Variants in NFIX observed in about 807,000 individuals in gnomAD.
The protein encoded by NFIX is nuclear factor I X.
Under a neutral mutation model 53.3 loss-of-function variants are expected in NFIX, and 2 were observed. The ratio of observed to expected loss-of-function variants is 0.04; its 90% confidence interval spans 0.02 to 0.12. The LOEUF (loss-of-function observed/expected upper bound fraction) is 0.12. Among genes scored for constraint, NFIX ranks in the 10% least tolerant of loss-of-function variants. The pLI is 1.00. For synonymous variants in NFIX, 244 were observed against 289.0 expected (o/e 0.84, Z 1.58); for missense variants, 310 against 674.5 (o/e 0.46, Z 5.99).
intron 1 of NFIX, among the ~76,000 whole-genome samples, chr19:13,007,185 C>G (rs780869638): frequency 7.2e-5 from 11 of 152,140 alleles, no homozygotes; most frequent in Admixed American, 6.5e-4. Flanking sequence ...CCCCTCCCCC[C>G]CCATAGGCGC....
At chr19:13,010,540 C>T (rs996570208) in intron 1 of NFIX, among the ~76,000 whole-genome samples, 2 of 152,254 alleles carry the variant, frequency 1.3e-5, no homozygotes, top group African/African-American at 2.4e-5. Context: ...CACTGGCTGG[C>T]GCACTTACAC....
rs760943502 is a variant in NFIX, at chr19:13,094,694, C to T, written c.*45C>T. The T allele has an allele frequency of 2.0e-6, 3 of 1,527,502 alleles. No homozygotes were observed. Among genetic ancestry groups the T allele is most frequent in the South Asian group, 1.2e-5 (1 of 83,844 alleles). The allele number at this position is 1,527,502 out of a possible 1,614,324, so 94.6% of individuals were successfully genotyped here. A position where few individuals can be genotyped will look rare whatever the true frequency, so the allele number is the denominator to read the frequency against. The stretch of plus-strand genomic sequence containing the variant: ...AACAAAATGAGAAGAAGAGGTTCCT[C>T]GAAAGGGGGGAGAAGAAATTTTGAG... On this transcript the variant is annotated 3_prime_UTR_variant, in exon 11 of 11. Transcript: ENST00000592199. This position sits in a 1 kb window ranked among gnomAD's most constrained non-coding sequence, Gnocchi z 4.3.
chr19:13,031,452 C>T (rs547046268), intron 2 of NFIX, among the ~76,000 whole-genome samples: 164 of 152,278 alleles, frequency 1.1e-3, no homozygotes, highest in Admixed American at 1.8e-3. Flanking sequence ...GAAGGACTTC[C>T]TGAGAACTTG....
intron 2 of NFIX, among the ~76,000 whole-genome samples, chr19:13,035,834 C>T (rs147458287): frequency 9.9e-5 from 15 of 152,240 alleles, no homozygotes; most frequent in African/African-American, 3.1e-4. Context: ...GAATTGGCTC[C>T]GTCAAGTGCC....
At chr19:13,085,204 C>T (rs761535882) in intron 8 of NFIX, among the ~76,000 whole-genome samples, 50 of 152,272 alleles carry the variant, frequency 3.3e-4, no homozygotes, top group Non-Finnish European at 5.4e-4. Context: ...GTACCCCAGT[C>T]AGAGCTGAGA....
rs143237718 is a variant in NFIX at position 13,044,941 on chromosome 19, A to G, written c.559+19389A>G. Among the ~76,000 whole-genome samples the G allele has an allele frequency of 2.0e-3, 299 of 152,254 alleles. 7 individuals are homozygous for G. The East Asian group carries it at 0.05, about 25-fold the overall frequency. The stretch of plus-strand genomic sequence containing the variant: ...GCTAAGGAGATCTGGGACAAGAGGC[A>G]GGTCAGGTTCCGGGGGTGAGGAGTG... On this transcript the variant is annotated intron_variant, in intron 2 of 10. Transcript: ENST00000592199.
chr19:13,001,894 C>T lies in NFIX; in HGVS notation c.27+6030C>T, dbSNP rs1028951136. 3.9e-5 allele frequency among the ~76,000 whole-genome samples: 6 copies of T among 152,348 alleles called. No homozygotes were observed. The highest frequency in any genetic ancestry group is 2.1e-4 in the South Asian group (1 of 4,832). On this transcript the variant is annotated intron_variant, in intron 1 of 10. Coordinates refer to ENST00000592199, the MANE Select transcript of NFIX (RefSeq NM_001365902.3). This position sits in a 1 kb window ranked among gnomAD's most constrained non-coding sequence, Gnocchi z 6.5. ...GCCGCAGTGGCCTTGCTGGGGGCCC[C>T]GCCCGTGCCCCTGGCCTGGCGTGGA... is the stretch of plus-strand genomic sequence containing the variant.
At position 13,043,650 on chromosome 19, in the gene NFIX, C is replaced by G. The variant is rs1389416220; in HGVS notation, c.559+18098C>G. 6.6e-6 allele frequency among the ~76,000 whole-genome samples: 1 copy of G among 151,988 alleles called. No homozygotes were observed. The highest frequency in any genetic ancestry group is 1.5e-5 in the Non-Finnish European group (1 of 67,898). Reference sequence around the variant, plus strand: ...CTTTGACATCACTCATAGACACCCCCTCTCTCACCCTTGCATCCCAGACAG... The same window carrying G: ...CTTTGACATCACTCATAGACACCCCGTCTCTCACCCTTGCATCCCAGACAG... On this transcript the variant is annotated intron_variant, in intron 2 of 10. Coordinates refer to ENST00000592199, the MANE Select transcript of NFIX (RefSeq NM_001365902.3). This position sits in a 1 kb window ranked among gnomAD's most constrained non-coding sequence, Gnocchi z 4.0.
intron 2 of NFIX, among the ~76,000 whole-genome samples, chr19:13,041,809 A>G (rs78154811): frequency 6.6e-6 from 1 of 151,982 alleles, no homozygotes; most frequent in Non-Finnish European, 1.5e-5. Flanking sequence ...AAAAAAAAAA[A>G]ATCAGTACCA....
chr19:13,035,349 G>C (rs1350334546), intron 2 of NFIX, among the ~76,000 whole-genome samples: 2 of 152,194 alleles, frequency 1.3e-5, no homozygotes, highest in Non-Finnish European at 2.9e-5. Flanking sequence ...CTGTAAGCCT[G>C]CCTCCAAGTC....
At chr19:13,010,877 C>T (rs2012304319) in intron 1 of NFIX, among the ~76,000 whole-genome samples, 1 of 152,212 alleles carries the variant, frequency 6.6e-6, no homozygotes, top group African/African-American at 2.4e-5. Flanking sequence ...CCCCATCCCT[C>T]TCGGAACACC....
At chr19:13,031,004 G>C (rs1456811927) in intron 2 of NFIX, among the ~76,000 whole-genome samples, 1 of 152,212 alleles carries the variant, frequency 6.6e-6, no homozygotes, top group African/African-American at 2.4e-5. Flanking sequence ...TGCTGGGTCT[G>C]GGTGATGTGG....
In NFIX at chr19:13,051,574, G is replaced by A. The variant is rs2015328712; in HGVS notation, c.560-21473G>A. On this transcript the variant is annotated intron_variant, in intron 2 of 10. Transcript: ENST00000592199. This position sits in a 1 kb window ranked among gnomAD's most constrained non-coding sequence, Gnocchi z 5.1. ...GCCAGTGAGCCAGATTTTTTTCCAA[G>A]CCTCAAGTCAGGCAGGTTCGGGGAG... is the stretch of plus-strand genomic sequence containing the variant. 1.3e-5 allele frequency among the ~76,000 whole-genome samples: 2 copies of A among 152,132 alleles called. No individual in the cohort carries two copies. The highest frequency in any genetic ancestry group is 4.1e-4 in the South Asian group (2 of 4,826).
At chr19:13,047,711 G>A (rs1320416042) in intron 2 of NFIX, among the ~76,000 whole-genome samples, 2 of 152,088 alleles carry the variant, frequency 1.3e-5, no homozygotes, top group Non-Finnish European at 2.9e-5. Context: ...CTTGCTTCCC[G>A]GACATCCCCA....
In NFIX at chr19:12,995,588, G is replaced by T; in HGVS notation, c.-250G>T. 6.9e-6 allele frequency: 1 copy of T among 145,624 alleles called. No homozygotes were observed. The highest frequency in any genetic ancestry group is 1.8e-4 in the South Asian group (1 of 5,568). 9.0% of individuals were successfully genotyped at this position (145,624 alleles called of 1,614,324 possible). A position where few individuals can be genotyped will look rare whatever the true frequency, so the allele number is the denominator to read the frequency against. ...GACGCGCGGCGGCAGCGGCGGCGGC[G>T]GCGGACGCGAGAGGCAGCGGCGAGC... On this transcript the variant is annotated 5_prime_UTR_variant, in exon 1 of 11. Coordinates refer to ENST00000592199, the MANE Select transcript of NFIX (RefSeq NM_001365902.3).
At chr19:13,050,442 A>G (rs2015257645) in intron 2 of NFIX, among the ~76,000 whole-genome samples, 1 of 152,104 alleles carries the variant, frequency 6.6e-6, no homozygotes, top group Non-Finnish European at 1.5e-5. Flanking sequence ...GGGGGCCTCC[A>G]TTTTGTCCAT....
chr19:13,037,808 TGTG>T lies in NFIX; in HGVS notation c.559+12258_559+12260del. On this transcript the variant is annotated intron_variant, in intron 2 of 10. Coordinates refer to ENST00000592199, the MANE Select transcript of NFIX (RefSeq NM_001365902.3). The surrounding 1 kb of genome is among the most constrained non-coding windows in gnomAD (Gnocchi z 4.2). Reference sequence around the variant, plus strand: ...TGTGAACACTTTTGGTTGTCACAGTTGTGGGGGGAGGGTGCTATTGGAATCTAG... The same window carrying T: ...TGTGAACACTTTTGGTTGTCACAGTTGGGGGAGGGTGCTATTGGAATCTAG... Among the ~76,000 whole-genome samples the T allele has an allele frequency of 6.6e-6, 1 of 152,112 alleles. No individual in the cohort carries two copies. Among genetic ancestry groups the T allele is most frequent in the East Asian group, 1.9e-4 (1 of 5,182 alleles).
intron 2 of NFIX, among the ~76,000 whole-genome samples, chr19:13,039,650 G>A (rs745737531): frequency 6.6e-6 from 1 of 152,170 alleles, no homozygotes; most frequent in South Asian, 2.1e-4. Flanking sequence ...TCTGCTGGGC[G>A]AGGCCCCGTT....
chr19:13,035,012 C>T (rs2014083818), intron 2 of NFIX, among the ~76,000 whole-genome samples: 1 of 152,116 alleles, frequency 6.6e-6, no homozygotes, highest in African/African-American at 2.4e-5. Flanking sequence ...TGGCCTTGAC[C>T]CGCTAGAAAT....
Sources: allele counts gnomAD v4.1 joint callset (sites outside exome capture counted in the v4.1 genomes callset), GRCh38; gene constraint gnomAD v4.1.1; non-coding constraint Gnocchi (gnomAD v3.1); transcripts MANE v1.5; gene names NCBI Gene and HGNC (gene_info 2026-07-23, HGNC 2026-07-21).